Variants in DNAH17 observed in about 807,000 individuals in gnomAD.
The protein encoded by DNAH17 is dynein axonemal heavy chain 17, also known as axonemal beta dynein heavy chain 17.
A neutral mutation model predicts 485.6 loss-of-function variants in DNAH17; 376 were observed. The observed-to-expected ratio is 0.77, with a 90% CI of 0.71 to 0.84. The LOEUF (loss-of-function observed/expected upper bound fraction) is 0.84, where lower values mean the gene tolerates loss of function less well. Ranked by LOEUF, DNAH17 falls within the 40% of genes least tolerant of loss-of-function variation. The pLI is 0.00. For synonymous variants in DNAH17, 3,031 were observed against 2,405.9 expected (o/e 1.26, Z -7.60); for missense variants, 6,370 against 5,839.3 (o/e 1.09, Z -2.96).
At position 78,485,187 on chromosome 17, in the gene DNAH17, G is replaced by A. The variant is rs2089543469; in HGVS notation, c.7484-154C>T. On this transcript the variant is annotated intron_variant, in intron 47 of 80. Coordinates refer to ENST00000389840, the MANE Select transcript of DNAH17 (RefSeq NM_173628.4). ...GGTACCTGCCCTGGGAGTGGCCCTT[G>A]AGGGGGCACCGGGTACAGCCCCAGG... The A allele has an allele frequency of 5.2e-6, 5 of 955,784 alleles. No individual in the cohort carries two copies. The Admixed American group carries it at 1.5e-4, about 29-fold the overall frequency. The allele number at this position is 955,784 out of a possible 1,614,324, so 59.2% of individuals were successfully genotyped here. A position where few individuals can be genotyped will look rare whatever the true frequency, so the allele number is the denominator to read the frequency against.
chr17:78,466,957 T>C (rs749201771), intron 55 of DNAH17, 141 bp from the exon 56 acceptor site: 116 of 853,172 alleles, frequency 1.4e-4, no homozygotes, highest in Non-Finnish European at 1.8e-4. Flanking sequence ...ACAGTCCTGG[T>C]TCTGGGTTTG....
chr17:78,528,821 C>G (rs1187932201), intron 22 of DNAH17, among the ~76,000 whole-genome samples: 1 of 152,156 alleles, frequency 6.6e-6, no homozygotes, highest in Non-Finnish European at 1.5e-5. Context: ...CAGCCCCGCC[C>G]CCTTCAGCTG....
At chr17:78,539,619 A>G in intron 18 of DNAH17, 118 bp downstream of exon 18, 1 of 946,646 alleles carries the variant, frequency 1.1e-6, no homozygotes, top group Non-Finnish European at 1.5e-6. Flanking sequence ...TGCATAAGAT[A>G]TATTTTAATA....
In DNAH17 at chr17:78,499,034, C is replaced by T; in HGVS notation, c.5719G>A (p.Glu1907Lys). The T allele has an allele frequency of 1.2e-6, 2 of 1,610,866 alleles. No homozygotes were observed. The highest frequency in any genetic ancestry group is 1.7e-6 in the Non-Finnish European group (2 of 1,178,466). Residue 1907 changes from glutamate to lysine, a missense_variant, in exon 37 of 81, where the codon GAA (glutamate) becomes AAA (lysine). Physicochemically the swap from Glu to Lys is moderately conservative, Grantham distance 56. Transcript: ENST00000389840. ...TGCACGGCAATCACAGACAAGACTT[C>T]CACTGAGATGCGATTAAACTCGTCA... ...CFDEFNRISVEVLSVIAVQVK... is the reference protein window; with the variant it reads ...CFDEFNRISVKVLSVIAVQVK...
In DNAH17 at chr17:78,425,425, G is replaced by A. The variant is rs188534447; in HGVS notation, c.13062C>T (p.Val4354=). 73 of 1,613,910 alleles carry A rather than the reference G, an allele frequency of 4.5e-5. No homozygotes were observed. In the East Asian group the frequency reaches 1.3e-3, roughly 30 times the overall value. The change falls in exon 80 of 81, where the codon GTC becomes GTT. Residue 4354 remains valine, a synonymous_variant. Coordinates refer to ENST00000389840, the MANE Select transcript of DNAH17 (RefSeq NM_173628.4). ...CCTCTCGGTTTTTCTTGGTCACCTC[G>A]ACAGACAGACACATCTTGTCCAGGG... ...EWPLDKMCLS[V]EVTKKNREDM... is the part of the protein sequence containing the mutation.
chr17:78,507,420 A>G, intron 28 of DNAH17, 38 bp downstream of exon 28: 1 of 1,613,582 alleles, frequency 6.2e-7, no homozygotes, highest in African/African-American at 1.3e-5. Context: ...ACACACAGTC[A>G]TTTCTGAAGT....
chr17:78,535,515 T>C (rs2091351248), intron 19 of DNAH17, among the ~76,000 whole-genome samples: 1 of 152,134 alleles, frequency 6.6e-6, no homozygotes, highest in Non-Finnish European at 1.5e-5. Flanking sequence ...CGGGCACATA[T>C]GCATCCAAGC....
intron 26 of DNAH17, among the ~76,000 whole-genome samples, chr17:78,513,833 T>G (rs753365865): frequency 6.6e-6 from 1 of 152,224 alleles, no homozygotes; most frequent in Non-Finnish European, 1.5e-5. Context: ...TTTCCTCTGC[T>G]GTAATTGTCA....
rs1364386805 is a variant in DNAH17, at chr17:78,423,878, G to A, written c.*28C>T. 2.5e-6 allele frequency: 4 copies of A among 1,612,020 alleles called. No individual in the cohort carries two copies. The highest frequency in any genetic ancestry group is 3.3e-5 in the Admixed American group (2 of 59,992). On this transcript the variant is annotated 3_prime_UTR_variant, in exon 81 of 81. Coordinates refer to ENST00000389840, the MANE Select transcript of DNAH17 (RefSeq NM_173628.4). ...GGGCTGAGTTGTGGTCCAGCCCCAG[G>A]GAGTGTGGGCTGTGAGGCAGGAGCG...
rs1489791286 is a variant in DNAH17 at position 78,476,740 on chromosome 17, C to T, written c.7993-7G>A. ...CTGTGGAAAATAAGAGTCCCTGCCCCAAACACAGGATGATCAGCACCGTCA... is the reference window on the plus strand; with the variant it reads ...CTGTGGAAAATAAGAGTCCCTGCCCTAAACACAGGATGATCAGCACCGTCA... On this transcript the variant is annotated splice_region_variant and splice_polypyrimidine_tract_variant and intron_variant, in intron 51 of 80. Transcript: ENST00000389840. 1 of 1,610,574 alleles carries T rather than the reference C, an allele frequency of 6.2e-7. No homozygotes were observed. The highest frequency in any genetic ancestry group is 8.5e-7 in the Non-Finnish European group (1 of 1,178,408).
Position 78,562,038 on chromosome 17 carries a change from G to C in DNAH17, c.1570-58C>G, listed in dbSNP as rs1427428959. The C allele has an allele frequency of 3.3e-6, 5 of 1,503,678 alleles. No homozygotes were observed. In the Admixed American group the frequency reaches 1.1e-4, roughly 34 times the overall value. The allele number at this position is 1,503,678 out of a possible 1,614,324, so 93.1% of individuals were successfully genotyped here. A position where few individuals can be genotyped will look rare whatever the true frequency, so the allele number is the denominator to read the frequency against. On this transcript the variant is annotated intron_variant, in intron 11 of 80. Transcript: ENST00000389840. ...ACAGTCTCCTCCCCTTCCCCAGCCT[G>C]TGGCTGTGGACAAAACGGGCAGGGC...
At chr17:78,539,924 G>A (rs776329305) in intron 17 of DNAH17, 44 bp from the exon 18 acceptor site, 3 of 1,515,950 alleles carry the variant, frequency 2.0e-6, no homozygotes, top group Non-Finnish European at 2.6e-6. Flanking sequence ...CACTGGCTGT[G>A]CTTGCTCTTT....
intron 16 of DNAH17, among the ~76,000 whole-genome samples, chr17:78,545,475 A>G (rs2091733990): frequency 6.6e-6 from 1 of 152,122 alleles, no homozygotes; most frequent in Non-Finnish European, 1.5e-5. Context: ...TGGTGGGCAG[A>G]TGATGATGGC....
In DNAH17 at chr17:78,575,079, G is replaced by T. The variant is rs918402438; in HGVS notation, c.-22C>A. The stretch of plus-strand genomic sequence containing the variant: ...TCATCTTGGCCTTTCCTTACACTGT[G>T]TATCTGTTAAGAGTGCAAGAAACAG... On this transcript the variant is annotated 5_prime_UTR_variant, in exon 2 of 81. Transcript: ENST00000389840. 2 of 1,591,442 alleles carry T rather than the reference G, an allele frequency of 1.3e-6. No individual in the cohort carries two copies. Among genetic ancestry groups the T allele is most frequent in the African/African-American group, 1.3e-5 (1 of 74,348 alleles).
intron 32 of DNAH17, 28 bp downstream of exon 32, chr17:78,502,858 C>T (rs760835132): frequency 1.0e-5 from 16 of 1,607,014 alleles, no homozygotes; most frequent in South Asian, 5.5e-5. Flanking sequence ...AGCCACGAGG[C>T]GCCGCCGAGC....
chr17:78,479,839 T>G (rs954030691), intron 49 of DNAH17, among the ~76,000 whole-genome samples: 1 of 152,124 alleles, frequency 6.6e-6, no homozygotes, highest in Non-Finnish European at 1.5e-5. Context: ...ATTTACTTCA[T>G]GCTCTCAAGA....
In DNAH17 at chr17:78,437,612, G is replaced by A. The variant is rs781527588; in HGVS notation, c.12033+29C>T. 11 of 1,561,450 alleles carry A rather than the reference G, an allele frequency of 7.0e-6. No homozygotes were observed. In the South Asian group the frequency reaches 7.1e-5, roughly 10 times the overall value. On this transcript the variant is annotated intron_variant, in intron 74 of 80. Coordinates refer to ENST00000389840, the MANE Select transcript of DNAH17 (RefSeq NM_173628.4). ...GATGCCAGGCCGTGGCATGGGATGGGGAGGCAGCCCGAGCAGGCGTGGCCC... is the reference window on the plus strand; with the variant it reads ...GATGCCAGGCCGTGGCATGGGATGGAGAGGCAGCCCGAGCAGGCGTGGCCC...
chr17:78,450,025 G>T, intron 68 of DNAH17: 1 of 568,096 alleles, frequency 1.8e-6, no homozygotes, highest in South Asian at 2.2e-5. Context: ...ACCAGGGGAA[G>T]AGCAGGGAGG....
intron 25 of DNAH17, chr17:78,522,527 G>T (rs1265333884): frequency 9.6e-6 from 3 of 312,848 alleles, no homozygotes; most frequent in South Asian, 5.8e-5. Context: ...AGACCCTGAA[G>T]ATCTGCCAGC....
Sources: allele counts gnomAD v4.1 joint callset (sites outside exome capture counted in the v4.1 genomes callset), GRCh38; gene constraint gnomAD v4.1.1; transcripts MANE v1.5; gene names NCBI Gene and HGNC (gene_info 2026-07-23, HGNC 2026-07-21).